SNAP25: variants seen among roughly 807,000 people sequenced by gnomAD.
SNAP25 encodes synaptosomal-associated protein 25.
In SNAP25, 3 loss-of-function variants were observed where a neutral mutation model predicts 28.7. The observed-to-expected ratio is 0.10, with a 90% CI of 0.05 to 0.27. SNAP25 has a LOEUF of 0.27. Among genes scored for constraint, SNAP25 ranks in the 10% least tolerant of loss-of-function variants. The probability of loss-of-function intolerance (pLI) is 1.00; values close to 1 mark genes in which losing one functional copy is unlikely to be tolerated. For missense variants in SNAP25, 117 were observed against 278.7 expected, an observed-to-expected ratio of 0.42 and a Z score of 4.13; for synonymous variants, 61 against 88.1, an observed-to-expected ratio of 0.69 and a Z score of 1.72.
chr20:10,295,536 T>C (rs746309423), intron 5 of SNAP25, among the ~76,000 whole-genome samples: 5 of 152,292 alleles, frequency 3.3e-5, no homozygotes, highest in Non-Finnish European at 4.4e-5. Context: ...TAGACTTGAT[T>C]GTGGGAGTTG....
chr20:10,291,806 A>G (rs1444805230), intron 4 of SNAP25, among the ~76,000 whole-genome samples: 1 of 152,248 alleles, frequency 6.6e-6, no homozygotes, highest in East Asian at 1.9e-4. Flanking sequence ...AGATGAAAAG[A>G]GGAATGGAAA....
rs1027144298 is a variant in SNAP25, at chr20:10,306,746, T to C, written c.*549T>C. 1.3e-5 allele frequency: 2 copies of C among 153,710 alleles called. No individual in the cohort carries two copies. The highest frequency in any genetic ancestry group is 2.9e-5 in the Non-Finnish European group (2 of 68,262). 9.5% of individuals were successfully genotyped at this position (153,710 alleles called of 1,614,324 possible). The stretch of plus-strand genomic sequence containing the variant: ...CATTTATGCATGAGAACTAAATAGA[T>C]TTTTAGATTCCTACTTAAACAAAAA... On this transcript the variant is annotated 3_prime_UTR_variant, in exon 8 of 8. Transcript: ENST00000254976.
chr20:10,234,708 G>A (rs1199017551), intron 1 of SNAP25, among the ~76,000 whole-genome samples: 1 of 152,176 alleles, frequency 6.6e-6, no homozygotes, highest in East Asian at 1.9e-4. Flanking sequence ...AGTTATGTCA[G>A]TATTTGGGGA....
chr20:10,288,087 C>A (rs1425888420), intron 4 of SNAP25, among the ~76,000 whole-genome samples: 1 of 151,892 alleles, frequency 6.6e-6, no homozygotes, highest in African/African-American at 2.4e-5. Flanking sequence ...TGCAACACAC[C>A]AGCATGGCAC....
At chr20:10,249,001 G>T (rs904903982) in intron 1 of SNAP25, among the ~76,000 whole-genome samples, 5 of 152,098 alleles carry the variant, frequency 3.3e-5, no homozygotes, top group Non-Finnish European at 5.9e-5. Flanking sequence ...AAAAACAGAA[G>T]TTCAGAAAGA....
chr20:10,232,987 C>G (rs2062852588), intron 1 of SNAP25, among the ~76,000 whole-genome samples: 1 of 152,158 alleles, frequency 6.6e-6, no homozygotes, highest in Non-Finnish European at 1.5e-5. Context: ...TCATATAGAT[C>G]TGCTTTCCCA....
At chr20:10,299,573 C>T (rs933892079) in intron 7 of SNAP25, among the ~76,000 whole-genome samples, 161 bp downstream of exon 7, 19 of 152,184 alleles carry the variant, frequency 1.2e-4, no homozygotes. Context: ...ATATAGGACT[C>T]AGCAACAGAA....
chr20:10,230,758 G>A (rs537438720), intron 1 of SNAP25, among the ~76,000 whole-genome samples: 7 of 152,072 alleles, frequency 4.6e-5, no homozygotes, highest in Non-Finnish European at 7.4e-5. Context: ...GTTGTGACTG[G>A]GTACTTAGCA....
At chr20:10,247,440 C>T (rs1296655347) in intron 1 of SNAP25, among the ~76,000 whole-genome samples, 1 of 152,222 alleles carries the variant, frequency 6.6e-6, no homozygotes, top group Non-Finnish European at 1.5e-5. Flanking sequence ...CCAACACAGG[C>T]ATTAAACTGG....
Position 10,293,080 on chromosome 20 carries a change from A to C in SNAP25, c.164-81A>C, listed in dbSNP as rs1458595634. On this transcript the variant is annotated intron_variant, in intron 4 of 7. Coordinates refer to ENST00000254976, the MANE Select transcript of SNAP25 (RefSeq NM_130811.4). The surrounding 1 kb of genome is among the most constrained non-coding windows in gnomAD (Gnocchi z 5.6). ...TTTTTCTTTTTTAATGTCAAAGTGA[A>C]TGTCTGAAGTTTTGTCTTTTTTTCT... The C allele has an allele frequency of 2.8e-6, 4 of 1,444,824 alleles. No individual in the cohort carries two copies. Among genetic ancestry groups the C allele is most frequent in the Non-Finnish European group, 9.5e-7 (1 of 1,057,438 alleles). The allele number at this position is 1,444,824 out of a possible 1,614,324, so 89.5% of individuals were successfully genotyped here.
intron 7 of SNAP25, among the ~76,000 whole-genome samples, chr20:10,305,008 A>C (rs1411141369): frequency 6.6e-6 from 1 of 152,214 alleles, no homozygotes; most frequent in Non-Finnish European, 1.5e-5. Flanking sequence ...TCTCAACTGC[A>C]AATAGGCCCA....
chr20:10,305,378 C>T (rs1173712748), intron 7 of SNAP25, among the ~76,000 whole-genome samples: 4 of 151,944 alleles, frequency 2.6e-5, no homozygotes, highest in Non-Finnish European at 2.9e-5. Context: ...CTCATCTATA[C>T]AAAAAATAGA....
intron 1 of SNAP25, among the ~76,000 whole-genome samples, chr20:10,220,601 ATC>A (rs2062610861): frequency 6.6e-6 from 1 of 152,242 alleles, no homozygotes; most frequent in Non-Finnish European, 1.5e-5. Flanking sequence ...GGCTTGGAGC[ATC>A]TGAGAGAGCA....
In SNAP25 at chr20:10,293,010, G is replaced by C; in HGVS notation, c.164-151G>C. On this transcript the variant is annotated intron_variant, in intron 4 of 7. Transcript: ENST00000254976. The surrounding 1 kb of genome is among the most constrained non-coding windows in gnomAD (Gnocchi z 5.6). Reference sequence around the variant, plus strand: ...ATGTCCTTGTAACAAGTAGGTACTGGGTACCAGCTCTAATCTGTGGCGTCC... The same window carrying C: ...ATGTCCTTGTAACAAGTAGGTACTGCGTACCAGCTCTAATCTGTGGCGTCC... 1 of 1,560,144 alleles carries C rather than the reference G, an allele frequency of 6.4e-7. No homozygotes were observed. Among genetic ancestry groups the C allele is most frequent in the Non-Finnish European group, 8.8e-7 (1 of 1,140,620 alleles).
intron 3 of SNAP25, among the ~76,000 whole-genome samples, chr20:10,283,128 T>C (rs970681639): frequency 1.3e-5 from 2 of 152,234 alleles, no homozygotes; most frequent in South Asian, 2.1e-4. Context: ...TACTCGATAA[T>C]GATGATATTT....
At chr20:10,247,846 A>G (rs187535794) in intron 1 of SNAP25, among the ~76,000 whole-genome samples, 45 of 152,368 alleles carry the variant, frequency 3.0e-4, no homozygotes, top group Non-Finnish European at 5.6e-4. Flanking sequence ...CTTAAAACTT[A>G]GAGGCTTCAA....
chr20:10,246,145 AT>A (rs2063123446), intron 1 of SNAP25, among the ~76,000 whole-genome samples: 1 of 152,228 alleles, frequency 6.6e-6, no homozygotes, highest in African/African-American at 2.4e-5. Flanking sequence ...GAGCATATTG[AT>A]TCTAAGCTGA....
intron 4 of SNAP25, among the ~76,000 whole-genome samples, chr20:10,290,856 G>A (rs1465370396): frequency 1.3e-5 from 2 of 152,040 alleles, no homozygotes; most frequent in African/African-American, 4.8e-5. Flanking sequence ...TACTTGATTG[G>A]GATTTGGCAT....
chr20:10,281,358 C>A (rs1600745768), intron 3 of SNAP25, among the ~76,000 whole-genome samples: 2 of 152,294 alleles, frequency 1.3e-5, no homozygotes, highest in East Asian at 3.9e-4. Flanking sequence ...TAGGTCCCCA[C>A]AAAAGCAACC....
Sources: allele counts gnomAD v4.1 joint callset (sites outside exome capture counted in the v4.1 genomes callset), GRCh38; gene constraint gnomAD v4.1.1; non-coding constraint Gnocchi (gnomAD v3.1); transcripts MANE v1.5; gene names NCBI Gene and HGNC (gene_info 2026-07-23, HGNC 2026-07-21).